The following FRMPD4 variants were observed in gnomAD, a reference collection of about 807,000 sequenced individuals.
FRMPD4 encodes the protein FERM and PDZ domain containing 4.
In FRMPD4, 22 loss-of-function variants were observed where a neutral mutation model predicts 94.1. The ratio of observed to expected loss-of-function variants is 0.23; its 90% CI spans 0.17 to 0.33. The LOEUF (loss-of-function observed/expected upper bound fraction) is 0.33. FRMPD4 is among the 10% of genes least tolerant of loss of function. FRMPD4 has a pLI of 1.00. For synonymous variants in FRMPD4, 631 were observed against 548.6 expected (o/e 1.15, Z -2.10); for missense variants, 1,111 against 1,339.9 (o/e 0.83, Z 2.67).
At chrX:11,977,211 G>C (rs1165550724) in intron 3 of FRMPD4, among the ~76,000 whole-genome samples, 1 of 112,113 alleles carries the variant, frequency 8.9e-6, no homozygotes, top group African/African-American at 3.2e-5. Context: ...GTGTAAATTT[G>C]CTTTTAAAAA....
chrX:12,182,786 A>T (rs372731750), intron 1 of FRMPD4, among the ~76,000 whole-genome samples: 1 of 111,375 alleles, frequency 9.0e-6, no homozygotes, highest in Non-Finnish European at 1.9e-5. Context: ...CAAGATTTTC[A>T]TTCGAATCCA....
chrX:12,166,059 T>C (rs1298651271), intron 1 of FRMPD4, among the ~76,000 whole-genome samples: 2 of 112,026 alleles, frequency 1.8e-5, no homozygotes, highest in African/African-American at 3.2e-5. Flanking sequence ...TCCTGCCTAA[T>C]TGCCCTGGCC....
At chrX:12,355,019 A>G (rs1042762808) in intron 1 of FRMPD4, among the ~76,000 whole-genome samples, 3 of 112,191 alleles carry the variant, frequency 2.7e-5, no homozygotes, top group Non-Finnish European at 1.9e-5. Context: ...TGAAAAAGCC[A>G]TTTGGAAAAC....
chrX:11,830,512 A>G (rs1043804408), intron 1 of FRMPD4, among the ~76,000 whole-genome samples: 1 of 111,993 alleles, frequency 8.9e-6, no homozygotes, highest in Non-Finnish European at 1.9e-5. Flanking sequence ...TTGTTTGACT[A>G]CAGCACTTTT....
intron 3 of FRMPD4, among the ~76,000 whole-genome samples, chrX:11,920,878 T>G (rs6640814): frequency 0.071 from 7,902 of 111,033 alleles, 227 homozygotes; most frequent in East Asian, 0.14. Flanking sequence ...GAGAGAGATG[T>G]TTTACCTTCA....
intron 1 of FRMPD4, among the ~76,000 whole-genome samples, chrX:11,838,109 A>C (rs1164597247): frequency 9.0e-6 from 1 of 111,545 alleles, no homozygotes; most frequent in East Asian, 2.8e-4. Flanking sequence ...GATTGATACC[A>C]CAAGTGTTCT....
intron 2 of FRMPD4, among the ~76,000 whole-genome samples, chrX:12,562,953 A>G (rs748285425): frequency 1.8e-5 from 2 of 111,987 alleles, no homozygotes; most frequent in East Asian, 5.6e-4. Context: ...TCCAGCTGGT[A>G]AAGACATTTT....
chrX:12,720,088 G>C (rs2042208642), intron 16 of FRMPD4, among the ~76,000 whole-genome samples: 1 of 108,723 alleles, frequency 9.2e-6, no homozygotes, highest in African/African-American at 3.4e-5. Context: ...GAAAGAGAAA[G>C]AAAGAAAGGA....
At chrX:12,375,512 T>C (rs1372397543) in intron 1 of FRMPD4, among the ~76,000 whole-genome samples, 1 of 112,521 alleles carries the variant, frequency 8.9e-6, no homozygotes, top group Non-Finnish European at 1.9e-5. Context: ...AGTGGTACAC[T>C]GGATCCTTCT....
chrX:12,580,508 T>C (rs2058853824), intron 2 of FRMPD4, among the ~76,000 whole-genome samples: 1 of 111,973 alleles, frequency 8.9e-6, no homozygotes, highest in Non-Finnish European at 1.9e-5. Context: ...TTAACAACAA[T>C]AACTAATAAT....
At chrX:11,930,098 A>C (rs933636803) in intron 3 of FRMPD4, among the ~76,000 whole-genome samples, 1 of 80,308 alleles carries the variant, frequency 1.2e-5, no homozygotes, top group East Asian at 3.6e-4. Context: ...ACAGAGTGAG[A>C]CTCTGTCTCA....
chrX:12,705,292 A>T (rs1569064747), intron 11 of FRMPD4, among the ~76,000 whole-genome samples: 1 of 112,098 alleles, frequency 8.9e-6, no homozygotes, highest in Non-Finnish European at 1.9e-5. Context: ...AGGTAATAAA[A>T]AGCAAAGGAT....
chrX:11,997,741 T>C (rs1224282179), intron 3 of FRMPD4, among the ~76,000 whole-genome samples: 2 of 111,273 alleles, frequency 1.8e-5, no homozygotes, highest in African/African-American at 6.5e-5. Context: ...TCTCTTCAAG[T>C]TATATTTCTT....
chrX:12,219,617 T>A (rs1433166538), intron 1 of FRMPD4, among the ~76,000 whole-genome samples: 1 of 111,899 alleles, frequency 8.9e-6, no homozygotes, highest in Non-Finnish European at 1.9e-5. Context: ...CTAGAAATTC[T>A]GATGTGGAAT....
intron 1 of FRMPD4, among the ~76,000 whole-genome samples, chrX:12,213,937 C>T (rs1042122189): frequency 8.9e-6 from 1 of 112,065 alleles, no homozygotes; most frequent in Non-Finnish European, 1.9e-5. Context: ...ATATATTTGA[C>T]TTACCTTTGG....
chrX:12,207,657 T>A (rs1188305040), intron 1 of FRMPD4, among the ~76,000 whole-genome samples: 1 of 107,519 alleles, frequency 9.3e-6, no homozygotes. Flanking sequence ...TGTGGCACAC[T>A]GAGATAGAGC....
chrX:12,420,874 C>A (rs2056873932), intron 1 of FRMPD4, among the ~76,000 whole-genome samples: 1 of 112,084 alleles, frequency 8.9e-6, no homozygotes, highest in Admixed American at 9.5e-5. Context: ...CACTTAACCA[C>A]AATCTCTCCG....
At chrX:12,445,880 G>T (rs1418187585) in intron 1 of FRMPD4, among the ~76,000 whole-genome samples, 5 of 113,098 alleles carry the variant, frequency 4.4e-5, no homozygotes, top group African/African-American at 9.6e-5. Flanking sequence ...ATGTATGTCA[G>T]ATTTGTTTAA....
chrX:11,872,209 G>A (rs1168961893), intron 2 of FRMPD4, among the ~76,000 whole-genome samples: 1 of 112,007 alleles, frequency 8.9e-6, no homozygotes, highest in Admixed American at 9.5e-5. Context: ...TTCATTGCAG[G>A]TACAATTCAA....
Sources: allele counts gnomAD v4.1 joint callset (sites outside exome capture counted in the v4.1 genomes callset), GRCh38; gene constraint gnomAD v4.1.1; transcripts MANE v1.5; gene names NCBI Gene and HGNC (gene_info 2026-07-23, HGNC 2026-07-21).